Variants in DCLK2 observed in about 807,000 individuals in gnomAD.
The protein encoded by DCLK2 is serine/threonine-protein kinase DCLK2.
Under a neutral mutation model 78.4 loss-of-function variants are expected in DCLK2, and 31 were observed. The ratio of observed to expected loss-of-function variants is 0.40; its 90% CI spans 0.30 to 0.53. The LOEUF is 0.53. DCLK2 is among the 20% of genes least tolerant of loss of function. The pLI is 0.61. For missense variants in DCLK2, 872 were observed against 973.7 expected (o/e 0.90, Z 1.39); for synonymous variants, 407 against 374.9 (o/e 1.09, Z -0.99).
chr4:150,102,914 C>A, intron 2 of DCLK2, 102 bp downstream of exon 2: 2 of 1,103,324 alleles, frequency 1.8e-6, no homozygotes, highest in Non-Finnish European at 1.3e-6. Flanking sequence ...TGCTAGAAAT[C>A]CTTCTGGGAG....
At position 150,079,375 on chromosome 4, in the gene DCLK2, G is replaced by T. The variant is rs1358588711; in HGVS notation, c.348G>T (p.Leu116=). 6.3e-7 allele frequency: 1 copy of T among 1,589,074 alleles called. No homozygotes were observed. ...GCTCCCTGTCGGACAACGTGAACCT[G>T]CCCCAGGGTGTCCGCACTATCTACA... ...LTRSLSDNVN[L]PQGVRTIYTI... The change falls in exon 1 of 16, where the codon CTG becomes CTT. Residue 116 remains leucine (L), a synonymous_variant. Coordinates refer to ENST00000296550, the MANE Select transcript of DCLK2 (RefSeq NM_001040260.4).
intron 2 of DCLK2, among the ~76,000 whole-genome samples, chr4:150,191,041 AT>A (rs1296443858): frequency 3.3e-5 from 5 of 152,112 alleles, no homozygotes; most frequent in African/African-American, 1.2e-4. Context: ...TAGGAGGATC[AT>A]TTAAGCCCAG....
Position 150,164,256 on chromosome 4 carries a change from C to T in DCLK2, c.757-28882C>T, listed in dbSNP as rs570197669. On this transcript the variant is annotated intron_variant, in intron 2 of 15. Coordinates refer to ENST00000296550, the MANE Select transcript of DCLK2 (RefSeq NM_001040260.4). ...GGCTGTTACTGATGAAATACAGATG[C>T]CTGGCCCCATGCCCCAGAGTCTGAT... 7.7e-4 allele frequency among the ~76,000 whole-genome samples: 118 copies of T among 152,314 alleles called. No individual in the cohort carries two copies. The Middle Eastern group carries it at 0.01, about 13-fold the overall frequency.
chr4:150,196,738 A>C (rs894014865), intron 3 of DCLK2, among the ~76,000 whole-genome samples: 1 of 152,210 alleles, frequency 6.6e-6, no homozygotes, highest in Non-Finnish European at 1.5e-5. Context: ...TTCATTCAAA[A>C]TCTACACAAC....
At chr4:150,149,252 T>C (rs1734716671) in intron 2 of DCLK2, among the ~76,000 whole-genome samples, 1 of 152,056 alleles carries the variant, frequency 6.6e-6, no homozygotes, top group African/African-American at 2.4e-5. Context: ...ATTATGGAGC[T>C]TTTCCAAATA....
Position 150,181,292 on chromosome 4 carries a change from T to G in DCLK2, c.757-11846T>G, listed in dbSNP as rs1461160539. Among the ~76,000 whole-genome samples, 3 of 152,198 alleles carry G rather than the reference T, an allele frequency of 2.0e-5. No homozygotes were observed. The East Asian group carries it at 5.8e-4, about 29-fold the overall frequency. ...TTCTGCCCCTACAGTTCCAGCCTTC[T>G]TCACTTGGTGGAAAGCTCCAGAGTG... is the stretch of plus-strand genomic sequence containing the variant. On this transcript the variant is annotated intron_variant, in intron 2 of 15. Coordinates refer to ENST00000296550, the MANE Select transcript of DCLK2 (RefSeq NM_001040260.4).
intron 12 of DCLK2, among the ~76,000 whole-genome samples, chr4:150,245,816 A>G (rs1324859159): frequency 6.6e-6 from 1 of 152,222 alleles, no homozygotes; most frequent in Non-Finnish European, 1.5e-5. Context: ...GTGGGACTGT[A>G]AACTAGTTCA....
intron 4 of DCLK2, among the ~76,000 whole-genome samples, chr4:150,200,967 G>A (rs545344134): frequency 4.3e-4 from 65 of 152,166 alleles, no homozygotes; most frequent in Non-Finnish European, 5.0e-4. Context: ...ACAGGCGTGC[G>A]CCACCACGCC....
At position 150,249,597 on chromosome 4, in the gene DCLK2, A is replaced by G. The variant is rs368066010; in HGVS notation, c.1986A>G (p.Gln662=). ...SDDASQENNM[Q]AEVTGKLKQH... is the part of the protein sequence containing the mutation. The stretch of plus-strand genomic sequence containing the variant: ...ATGCCTCCCAGGAGAATAACATGCA[A>G]GCTGAGGTGACAGGTAAACTAAAAC... Residue 662 remains glutamine, a synonymous_variant, in exon 15 of 16, where the codon CAA becomes CAG. Coordinates refer to ENST00000296550, the MANE Select transcript of DCLK2 (RefSeq NM_001040260.4). 5.6e-6 allele frequency: 9 copies of G among 1,613,688 alleles called. No individual in the cohort carries two copies. The highest frequency in any genetic ancestry group is 1.3e-5 in the African/African-American group (1 of 74,920).
At chr4:150,183,603 A>G (rs892785619) in intron 2 of DCLK2, among the ~76,000 whole-genome samples, 1 of 152,206 alleles carries the variant, frequency 6.6e-6, no homozygotes, top group Non-Finnish European at 1.5e-5. Context: ...AACATCATAA[A>G]TTTGGGAACC....
At chr4:150,097,093 G>A (rs1383383938) in intron 1 of DCLK2, among the ~76,000 whole-genome samples, 1 of 151,962 alleles carries the variant, frequency 6.6e-6, no homozygotes, top group Non-Finnish European at 1.5e-5. Context: ...GGAAAAGGAC[G>A]TGCGAAAAAT....
intron 2 of DCLK2, among the ~76,000 whole-genome samples, chr4:150,126,859 C>T (rs560642440): frequency 1.1e-4 from 17 of 152,286 alleles, no homozygotes; most frequent in South Asian, 6.2e-4. Flanking sequence ...AATCCAGGAT[C>T]CCACATGGAT....
chr4:150,233,499 G>A (rs1391076334), intron 10 of DCLK2, among the ~76,000 whole-genome samples: 2 of 152,318 alleles, frequency 1.3e-5, no homozygotes, highest in Admixed American at 6.5e-5. Context: ...GAATAAATTT[G>A]AGACAGAATT....
chr4:150,127,041 C>T (rs1732966346), intron 2 of DCLK2, among the ~76,000 whole-genome samples: 1 of 152,204 alleles, frequency 6.6e-6, no homozygotes, highest in African/African-American at 2.4e-5. Flanking sequence ...TTTTTGGCAA[C>T]AATACTAAGG....
At chr4:150,189,843 A>G (rs563711551) in intron 2 of DCLK2, among the ~76,000 whole-genome samples, 179 of 151,752 alleles carry the variant, frequency 1.2e-3, no homozygotes, top group Non-Finnish European at 2.1e-3. Context: ...ACTCTACTAG[A>G]CCTGTGGGAA....
chr4:150,149,037 CAA>C (rs11407877), intron 2 of DCLK2, among the ~76,000 whole-genome samples: 53,971 of 104,246 alleles, frequency 0.52, 11,632 homozygotes, highest in Middle Eastern at 0.61. Flanking sequence ...CAGACTGTCT[CAA>C]AAAAAAAAAA....
intron 1 of DCLK2, among the ~76,000 whole-genome samples, chr4:150,093,328 C>T (rs1469505451): frequency 1.6e-4 from 25 of 152,150 alleles, no homozygotes; most frequent in Non-Finnish European, 4.4e-5. Context: ...TTAAAATTCC[C>T]ACATTTCCCA....
chr4:150,166,088 GT>G (rs1736050565), intron 2 of DCLK2, among the ~76,000 whole-genome samples: 1 of 151,994 alleles, frequency 6.6e-6, no homozygotes, highest in South Asian at 2.1e-4. Flanking sequence ...AGACTGTGGT[GT>G]TCTATTGTAG....
chr4:150,221,976 GTTTATTTA>G (rs1301938606), intron 7 of DCLK2, among the ~76,000 whole-genome samples, 191 bp downstream of exon 7: 7 of 141,872 alleles, frequency 4.9e-5, no homozygotes, highest in East Asian at 2.0e-4. Context: ...TTGTTTGTTT[GTTTATTTA>G]TTTATTTATT....
Sources: gnomAD v4.1 joint callset for allele counts (sites outside exome capture counted in the v4.1 genomes callset) on GRCh38, gnomAD v4.1.1 for gene constraint, MANE v1.5 for transcripts, NCBI Gene and HGNC (gene_info 2026-07-23, HGNC 2026-07-21) for gene names.